The following RASGRP2 variants were observed in gnomAD, a reference collection of about 807,000 sequenced individuals.
RASGRP2 encodes RAS guanyl-releasing protein 2.
In RASGRP2, 44 loss-of-function variants were observed where a neutral mutation model predicts 71.0. The ratio of observed to expected loss-of-function variants is 0.62; its 90% CI spans 0.49 to 0.80. RASGRP2 has a LOEUF of 0.80. Ranked by LOEUF, RASGRP2 falls within the 30% of genes least tolerant of loss-of-function variation. The pLI is 0.00. For synonymous variants in RASGRP2, 350 were observed against 330.7 expected (o/e 1.06, Z -0.63); for missense variants, 663 against 813.4 (o/e 0.82, Z 2.25).
Position 64,743,840 on chromosome 11 carries a change from A to T in RASGRP2, c.-72+163T>A. On this transcript the variant is annotated intron_variant, in intron 1 of 16. Coordinates refer to ENST00000394432, the MANE Select transcript of RASGRP2 (RefSeq NM_001098671.2). This position sits in a 1 kb window ranked among gnomAD's most constrained non-coding sequence, Gnocchi z 4.9. The stretch of plus-strand genomic sequence containing the variant: ...ACCCTGGCAGGGGCAAACACTCCAC[A>T]CCCAAGTTATTCGTCGGAGGCCGGG... 3.2e-6 allele frequency: 1 copy of T among 313,318 alleles called. No individual in the cohort carries two copies. The highest frequency in any genetic ancestry group is 5.1e-6 in the Non-Finnish European group (1 of 194,990). The allele number at this position is 313,318 out of a possible 1,614,324, so 19.4% of individuals were successfully genotyped here. A position where few individuals can be genotyped will look rare whatever the true frequency, so the allele number is the denominator to read the frequency against.
chr11:64,742,090 G>A lies in RASGRP2; in HGVS notation c.96C>T (p.Asp32=), dbSNP rs777850328. 9 of 1,603,818 alleles carry A rather than the reference G, an allele frequency of 5.6e-6. No homozygotes were observed. In the African/African-American group the frequency reaches 6.7e-5, roughly 12 times the overall value. ...EAFDDSGKVR[D]PQLVRMFLMM... ...TGAGGAACATGCGCACCAGCTGCGG[G>A]TCCCGCACCTTCCCGGAGTCATCTG... Residue 32 remains aspartate (D), a synonymous_variant, in exon 3 of 17, where the codon GAC becomes GAT. Coordinates refer to ENST00000394432, the MANE Select transcript of RASGRP2 (RefSeq NM_001098671.2). This position sits in a 1 kb window ranked among gnomAD's most constrained non-coding sequence, Gnocchi z 4.7.
intron 9 of RASGRP2, 35 bp from the exon 10 acceptor site, chr11:64,736,015 C>T: frequency 6.3e-7 from 1 of 1,591,926 alleles, no homozygotes; most frequent in South Asian, 1.1e-5. Context: ...CCCACTGGCC[C>T]CTGCCCACAG....
At chr11:64,740,288 GA>G (rs780887259) in intron 5 of RASGRP2, 125 bp from the exon 6 acceptor site, 55 of 1,253,504 alleles carry the variant, frequency 4.4e-5, no homozygotes, top group Non-Finnish European at 1.5e-5. Context: ...TCCTAGGCAC[GA>G]ATGTTCCCAG....
At chr11:64,737,326 A>C in intron 8 of RASGRP2, 1 of 461,412 alleles carries the variant, frequency 2.2e-6, no homozygotes, top group East Asian at 4.3e-5. Context: ...AAGGCAGCAC[A>C]GGACAATGAC....
intron 3 of RASGRP2, 30 bp downstream of exon 3, chr11:64,741,980 G>T (rs2058139456): frequency 1.3e-6 from 2 of 1,580,588 alleles, no homozygotes; most frequent in Non-Finnish European, 1.7e-6. Flanking sequence ...CTCCGACGGC[G>T]GGGGCCTTGG....
upstream of RASGRP2, chr11:64,745,340 C>T (rs1218214955): frequency 6.5e-6 from 1 of 152,822 alleles, no homozygotes; most frequent in Non-Finnish European, 1.5e-5. Context: ...TGGCACAGGC[C>T]TAGTGGAGGT....
chr11:64,735,518 T>G lies in RASGRP2; in HGVS notation c.1296+24A>C. ...GGCAAACTGGCCTCTCCCCACACAC[T>G]GCTCAGGCTCCGCAGGAGCTCACCT... On this transcript the variant is annotated intron_variant, in intron 11 of 16. Coordinates refer to ENST00000394432, the MANE Select transcript of RASGRP2 (RefSeq NM_001098671.2). This position sits in a 1 kb window ranked among gnomAD's most constrained non-coding sequence, Gnocchi z 4.2. The G allele has an allele frequency of 6.2e-7, 1 of 1,613,702 alleles. No individual in the cohort carries two copies. The highest frequency in any genetic ancestry group is 8.5e-7 in the Non-Finnish European group (1 of 1,180,016).
At chr11:64,736,728 C>T (rs757173024) in intron 9 of RASGRP2, 25 bp downstream of exon 9, 26 of 1,559,186 alleles carry the variant, frequency 1.7e-5, no homozygotes, top group Non-Finnish European at 2.2e-5. Flanking sequence ...CCCAGCTCCC[C>T]ACCTCCCTGC....
rs1382984260 is a variant in RASGRP2 at position 64,743,618 on chromosome 11, G to A, written c.-72+385C>T. 1 of 409,676 alleles carries A rather than the reference G, an allele frequency of 2.4e-6. No individual in the cohort carries two copies. Among genetic ancestry groups the A allele is most frequent in the Admixed American group, 2.9e-5 (1 of 34,108 alleles). 25.4% of individuals were successfully genotyped at this position (409,676 alleles called of 1,614,324 possible). On this transcript the variant is annotated intron_variant, in intron 1 of 16. Coordinates refer to ENST00000394432, the MANE Select transcript of RASGRP2 (RefSeq NM_001098671.2). The surrounding 1 kb of genome is among the most constrained non-coding windows in gnomAD (Gnocchi z 4.9). ...GCGCTCCCAGGCCACCTCCGCAAAG[G>A]TCCCAGGGGTCCCGGCTCAGCTTGT...
At chr11:64,727,425 C>A in intron 15 of RASGRP2, 65 bp from the exon 16 acceptor site, 2 of 1,503,836 alleles carry the variant, frequency 1.3e-6, no homozygotes, top group South Asian at 1.1e-5. Context: ...AACCCTTCCC[C>A]TCTCCACGGG....
intron 13 of RASGRP2, 76 bp downstream of exon 13, chr11:64,729,977 G>T (rs1443993808): frequency 1.9e-5 from 29 of 1,524,420 alleles, no homozygotes; most frequent in Non-Finnish European, 2.6e-5. Flanking sequence ...TCTGGCAGAG[G>T]CGGGGCCAGA....
chr11:64,741,607 G>T, intron 3 of RASGRP2, 106 bp from the exon 4 acceptor site: 1 of 1,032,952 alleles, frequency 9.7e-7, no homozygotes, highest in African/African-American at 1.6e-5. Context: ...TAGGGATGGG[G>T]CTTGCGCTCT....
chr11:64,730,512 G>C (rs1034555542), intron 12 of RASGRP2, among the ~76,000 whole-genome samples: 2 of 152,234 alleles, frequency 1.3e-5, no homozygotes, highest in African/African-American at 4.8e-5. Flanking sequence ...GGCTCCCGAA[G>C]TGTACTGTGT....
In RASGRP2 at chr11:64,742,966, T is replaced by TGCGGAGTCGCGGGCGGGGGA; in HGVS notation, c.-71-49_-71-30dup. ...TCCCGGGAGAGGCAGAGCGGGAGTCTGCGGAGTCGCGGGCGGGGGAGCGGC... is the reference window on the plus strand; with the variant it reads ...TCCCGGGAGAGGCAGAGCGGGAGTCTGCGGAGTCGCGGGCGGGGGAGCGGAGTCGCGGGCGGGGGAGCGGC... On this transcript the variant is annotated intron_variant, in intron 1 of 16. Transcript: ENST00000394432. The surrounding 1 kb of genome is among the most constrained non-coding windows in gnomAD (Gnocchi z 4.7). 4.0e-6 allele frequency: 6 copies of TGCGGAGTCGCGGGCGGGGGA among 1,515,448 alleles called. No homozygotes were observed. The highest frequency in any genetic ancestry group is 5.3e-6 in the Non-Finnish European group (6 of 1,136,262). The allele number at this position is 1,515,448 out of a possible 1,614,324, so 93.9% of individuals were successfully genotyped here.
Position 64,739,272 on chromosome 11 carries a change from G to A in RASGRP2, c.813+88C>T. 9.9e-7 allele frequency: 1 copy of A among 1,007,244 alleles called. No individual in the cohort carries two copies. Among genetic ancestry groups the A allele is most frequent in the East Asian group, 2.4e-5 (1 of 41,702 alleles). 62.4% of individuals were successfully genotyped at this position (1,007,244 alleles called of 1,614,324 possible). A position where few individuals can be genotyped will look rare whatever the true frequency, so the allele number is the denominator to read the frequency against. On this transcript the variant is annotated intron_variant, in intron 8 of 16. Coordinates refer to ENST00000394432, the MANE Select transcript of RASGRP2 (RefSeq NM_001098671.2). This position sits in a 1 kb window ranked among gnomAD's most constrained non-coding sequence, Gnocchi z 4.2. ...CTCCATTTCCATATCTATCAAATGAGGACAGCTGTGCCCAGCCCCCAGTGC... is the reference window on the plus strand; with the variant it reads ...CTCCATTTCCATATCTATCAAATGAAGACAGCTGTGCCCAGCCCCCAGTGC...
At position 64,735,068 on chromosome 11, in the gene RASGRP2, G is replaced by T; in HGVS notation, c.1412+44C>A. On this transcript the variant is annotated intron_variant, in intron 12 of 16. Transcript: ENST00000394432. This position sits in a 1 kb window ranked among gnomAD's most constrained non-coding sequence, Gnocchi z 4.2. The stretch of plus-strand genomic sequence containing the variant: ...GAAACTGAAGCCCAGGCAGAAGTGG[G>T]CTGAGTTGCCTTCCCTCTCCCCCAG... The T allele has an allele frequency of 7.0e-7, 1 of 1,436,430 alleles. No individual in the cohort carries two copies. The highest frequency in any genetic ancestry group is 9.8e-7 in the Non-Finnish European group (1 of 1,018,112). 89.0% of individuals were successfully genotyped at this position (1,436,430 alleles called of 1,614,324 possible).
Position 64,743,766 on chromosome 11 carries a change from T to G in RASGRP2, c.-72+237A>C, listed in dbSNP as rs1452805199. Reference sequence around the variant, plus strand: ...GGGCGCTCGCGCCAAGGGTGGCCGGTGGGTGCATGACACCATTAGCAACTC... The same window carrying G: ...GGGCGCTCGCGCCAAGGGTGGCCGGGGGGTGCATGACACCATTAGCAACTC... On this transcript the variant is annotated intron_variant, in intron 1 of 16. Coordinates refer to ENST00000394432, the MANE Select transcript of RASGRP2 (RefSeq NM_001098671.2). This position sits in a 1 kb window ranked among gnomAD's most constrained non-coding sequence, Gnocchi z 4.9. 6 of 307,106 alleles carry G rather than the reference T, an allele frequency of 2.0e-5. No homozygotes were observed. Among genetic ancestry groups the G allele is most frequent in the Non-Finnish European group, 3.8e-5 (6 of 158,072 alleles). The allele number at this position is 307,106 out of a possible 1,614,324, so 19.0% of individuals were successfully genotyped here.
rs141657491 is a variant in RASGRP2, at chr11:64,730,552, A to C, written c.1413-358T>G. ...CACCAGTCGGGAGCCCTCAGCAGGG[A>C]GAACTCTCTAATGAGTTCTGGGACC... On this transcript the variant is annotated intron_variant, in intron 12 of 16. Transcript: ENST00000394432. Among the ~76,000 whole-genome samples the C allele has an allele frequency of 6.8e-3, 1,031 of 152,354 alleles. 4 individuals are homozygous for C. Among genetic ancestry groups the C allele is most frequent in the Admixed American group, 0.011 (163 of 15,300 alleles).
intron 3 of RASGRP2, among the ~76,000 whole-genome samples, chr11:64,741,788 G>A (rs2058132017): frequency 6.6e-6 from 1 of 152,152 alleles, no homozygotes; most frequent in Non-Finnish European, 1.5e-5. Flanking sequence ...GAGAAGGAGG[G>A]CAAGGCCTCG....
Sources: allele counts gnomAD v4.1 joint callset (sites outside exome capture counted in the v4.1 genomes callset), GRCh38; gene constraint gnomAD v4.1.1; non-coding constraint Gnocchi (gnomAD v3.1); transcripts MANE v1.5; gene names NCBI Gene and HGNC (gene_info 2026-07-23, HGNC 2026-07-21).